STEEP1: variants seen among roughly 807,000 people sequenced by gnomAD.
The protein encoded by STEEP1 is STING1 ER exit protein 1.
Under a neutral mutation model 19.2 loss-of-function variants are expected in STEEP1, and 3 were observed. The observed-to-expected ratio is 0.16, with a 90% CI of 0.07 to 0.40. STEEP1 has a LOEUF of 0.40. Among genes scored for constraint, STEEP1 ranks in the 10% least tolerant of loss-of-function variants. STEEP1 has a pLI of 0.99. For missense variants in STEEP1, 54 were observed against 177.1 expected, an observed-to-expected ratio of 0.30 and a Z score of 3.94; for synonymous variants, 46 against 63.7, an observed-to-expected ratio of 0.72 and a Z score of 1.32.
chrX:119,540,212 G>A (rs1264667310), intron 6 of STEEP1, among the ~76,000 whole-genome samples: 3 of 112,372 alleles, frequency 2.7e-5, no homozygotes, highest in African/African-American at 9.7e-5. Flanking sequence ...TACAAAAATG[G>A]ATAGTAAGCA....
chrX:119,557,404 C>T (rs1157603833), intron 2 of STEEP1, among the ~76,000 whole-genome samples: 1 of 102,457 alleles, frequency 9.8e-6, no homozygotes, highest in African/African-American at 3.6e-5. Context: ...TTGAGACCAG[C>T]CTGGCCAACA....
rs1311939227 is a variant in STEEP1 at position 119,565,287 on chromosome X, G to A, written c.69C>T (p.Gly23=). Residue 23 remains glycine (G), a synonymous_variant, in exon 1 of 7, where the codon GGC becomes GGT. Transcript: ENST00000644802. The part of the protein sequence containing the change: ...DTRDREEYDD[G]EKPLHVYYCL... Reference sequence around the variant, plus strand: ...AGTAGTAAACATGGAGGGGCTTCTCGCCGTCGTCATATTCCTCCCGGTCCC... The same window carrying A: ...AGTAGTAAACATGGAGGGGCTTCTCACCGTCGTCATATTCCTCCCGGTCCC... The A allele has an allele frequency of 5.0e-6, 6 of 1,210,039 alleles. No individual in the cohort carries two copies. The South Asian group carries it at 7.0e-5, about 14-fold the overall frequency.
rs376117171 is a variant in STEEP1, at chrX:119,555,159, C to T, written c.242+5109G>A. ...CTGTTTACATAGTCATCTTCTTAAT[C>T]GCAGCTTCATGAGAGACCAGAATCA... On this transcript the variant is annotated intron_variant, in intron 2 of 6. Transcript: ENST00000644802. Among the ~76,000 whole-genome samples, 31 of 109,456 alleles carry T rather than the reference C, an allele frequency of 2.8e-4. No homozygotes were observed. In the East Asian group the frequency reaches 7.2e-3, roughly 25 times the overall value.
intron 2 of STEEP1, among the ~76,000 whole-genome samples, chrX:119,552,880 C>T (rs911408312): frequency 6.3e-5 from 7 of 111,586 alleles, no homozygotes; most frequent in African/African-American, 1.3e-4. Flanking sequence ...AACTAAATCT[C>T]GGCTGGGTGT....
chrX:119,557,510 G>GA (rs1193610491), intron 2 of STEEP1, among the ~76,000 whole-genome samples: 159 of 84,602 alleles, frequency 1.9e-3, no homozygotes, highest in African/African-American at 6.2e-3. Flanking sequence ...AAAGAAAAAA[G>GA]AAAAAAAAAT....
chrX:119,543,134 T>C (rs983948149), intron 4 of STEEP1, among the ~76,000 whole-genome samples: 3 of 110,427 alleles, frequency 2.7e-5, no homozygotes, highest in African/African-American at 9.9e-5. Flanking sequence ...AGTGCTAGGA[T>C]TACAGGCGAG....
intron 2 of STEEP1, among the ~76,000 whole-genome samples, chrX:119,553,402 G>T (rs1487438218): frequency 2.7e-5 from 3 of 111,367 alleles, no homozygotes; most frequent in African/African-American, 9.8e-5. Flanking sequence ...GGTCTTTCTG[G>T]TACTGTAGGA....
chrX:119,565,207 G>A (rs1453743982), intron 1 of STEEP1, 25 bp downstream of exon 1: 1 of 1,190,162 alleles, frequency 8.4e-7, no homozygotes, highest in Non-Finnish European at 1.1e-6. Flanking sequence ...CCTTGCAGAC[G>A]CCCCCGCAGT....
intron 6 of STEEP1, among the ~76,000 whole-genome samples, chrX:119,540,108 T>C (rs1318099702): frequency 8.9e-6 from 1 of 111,845 alleles, no homozygotes; most frequent in Non-Finnish European, 1.9e-5. Context: ...CAGTATGCTA[T>C]TCTTGGCAGA....
At chrX:119,541,449 C>T (rs774142153) in intron 5 of STEEP1, 29 bp from the exon 6 acceptor site, 13 of 889,438 alleles carry the variant, frequency 1.5e-5, no homozygotes, top group Middle Eastern at 2.7e-4. Context: ...ATCCTTAAAC[C>T]GGAAGTCTCA....
At chrX:119,540,214 T>G (rs1271797991) in intron 6 of STEEP1, among the ~76,000 whole-genome samples, 2 of 112,482 alleles carry the variant, frequency 1.8e-5, no homozygotes, top group African/African-American at 3.2e-5. Context: ...CAAAAATGGA[T>G]AGTAAGCATT....
At chrX:119,550,915 G>A (rs1226003733) in intron 2 of STEEP1, among the ~76,000 whole-genome samples, 2 of 110,765 alleles carry the variant, frequency 1.8e-5, no homozygotes, top group African/African-American at 3.3e-5. Context: ...CACCCACCTC[G>A]GCCTCCCAAA....
intron 2 of STEEP1, among the ~76,000 whole-genome samples, chrX:119,553,357 C>T (rs761325207): frequency 1.8e-5 from 2 of 111,495 alleles, no homozygotes; most frequent in Non-Finnish European, 3.8e-5. Context: ...CTGGATGTTG[C>T]CAAAGTACTT....
At chrX:119,547,980 T>C (rs1242959703) in intron 2 of STEEP1, among the ~76,000 whole-genome samples, 1 of 109,889 alleles carries the variant, frequency 9.1e-6, no homozygotes, top group Non-Finnish European at 1.9e-5. Context: ...AAGACCAGCC[T>C]GGCCAACATG....
At chrX:119,545,430 A>G (rs775201817) in intron 3 of STEEP1, 33 bp downstream of exon 3, 3 of 1,032,225 alleles carry the variant, frequency 2.9e-6, no homozygotes, top group South Asian at 3.8e-5. Context: ...CTACTTGCCT[A>G]TGCTTGGAGA....
At chrX:119,547,886 T>C (rs1288503080) in intron 2 of STEEP1, among the ~76,000 whole-genome samples, 1 of 111,694 alleles carries the variant, frequency 9.0e-6, no homozygotes, top group African/African-American at 3.3e-5. Flanking sequence ...AATACCATAA[T>C]GAGGGCCGGA....
At chrX:119,544,118 T>A (rs2053183988) in intron 4 of STEEP1, among the ~76,000 whole-genome samples, 1 of 111,136 alleles carries the variant, frequency 9.0e-6, no homozygotes, top group African/African-American at 3.3e-5. Context: ...ATGTACCCCA[T>A]AAATATGTGC....
chrX:119,545,375 T>C, intron 3 of STEEP1, 88 bp downstream of exon 3: 2 of 574,786 alleles, frequency 3.5e-6, no homozygotes, highest in Non-Finnish European at 5.8e-6. Context: ...AAAGACATAA[T>C]GGAGAGTTGT....
chrX:119,540,644 C>T (rs2147343994), intron 6 of STEEP1, among the ~76,000 whole-genome samples: 1 of 112,761 alleles, frequency 8.9e-6, no homozygotes, highest in South Asian at 3.6e-4. Flanking sequence ...TGACCAGCCC[C>T]AATCCTGGTA....
Sources: allele counts gnomAD v4.1 joint callset (sites outside exome capture counted in the v4.1 genomes callset), GRCh38; gene constraint gnomAD v4.1.1; transcripts MANE v1.5; gene names NCBI Gene and HGNC (gene_info 2026-07-23, HGNC 2026-07-21).